Variants in BMP1 observed in about 807,000 individuals in gnomAD.
BMP1 encodes mammalian tolloid protein.
A neutral mutation model predicts 116.8 loss-of-function variants in BMP1; 63 were observed. That is an observed-to-expected ratio of 0.54 (90% CI 0.44 to 0.67). BMP1 has a LOEUF of 0.67. Among genes scored for constraint, BMP1 ranks in the 30% least tolerant of loss-of-function variants. The pLI, the probability that BMP1 is intolerant of heterozygous loss-of-function variation, is 0.00. For missense variants in BMP1, 1,183 were observed against 1,358.9 expected, an observed-to-expected ratio of 0.87 and a Z score of 2.04; for synonymous variants, 536 against 533.4, an observed-to-expected ratio of 1.00 and a Z score of -0.07.
chr8:22,209,646 A>G lies in BMP1; in HGVS notation c.2777A>G (p.Asp926Gly). The stretch of plus-strand genomic sequence containing the variant: ...GGCTATGACTACATGGAGCTCTTCG[A>G]CGGCTACGACAGCACAGCCCCCAGG... ...DCGYDYMELFDGYDSTAPRLG... is the reference protein window; with the variant it reads ...DCGYDYMELFGGYDSTAPRLG... Residue 926 changes from aspartate (D) to glycine (G), a missense_variant, in exon 19 of 20, where the codon GAC becomes GGC. Asp to Gly is a moderately conservative substitution (Grantham distance 94). Transcript: ENST00000306385. The G allele has an allele frequency of 6.2e-7, 1 of 1,614,032 alleles. No homozygotes were observed. The highest frequency in any genetic ancestry group is 8.5e-7 in the Non-Finnish European group (1 of 1,179,978).
intron 15 of BMP1, chr8:22,199,314 A>G (rs1183130169): frequency 3.7e-6 from 5 of 1,357,974 alleles, no homozygotes. Context: ...ACCCTAAGCC[A>G]AGAAGGAGAA....
intron 8 of BMP1, among the ~76,000 whole-genome samples, chr8:22,184,386 C>T (rs1245940682): frequency 6.6e-6 from 1 of 152,206 alleles, no homozygotes; most frequent in Admixed American, 6.5e-5. Context: ...GCTGCAATTC[C>T]CAGAGGACTC....
chr8:22,204,637 C>T (rs1265086873), intron 16 of BMP1, among the ~76,000 whole-genome samples: 2 of 152,168 alleles, frequency 1.3e-5, no homozygotes, highest in African/African-American at 2.4e-5. Context: ...GCACAAGAAT[C>T]GCTTGAACCT....
chr8:22,179,426 A>G lies in BMP1; in HGVS notation c.837-279A>G, dbSNP rs1356731136. Among the ~76,000 whole-genome samples the G allele has an allele frequency of 6.6e-6, 1 of 152,122 alleles. No individual in the cohort carries two copies. Among genetic ancestry groups the G allele is most frequent in the Non-Finnish European group, 1.5e-5 (1 of 68,002 alleles). On this transcript the variant is annotated intron_variant, in intron 6 of 19. Transcript: ENST00000306385. The surrounding 1 kb of genome is among the most constrained non-coding windows in gnomAD (Gnocchi z 4.6). ...GTTGTGGCCAGCCTGAGCTGGGAGC[A>G]CCAGTGGGTCCAAGGGCACCCTGGA...
chr8:22,166,877 C>T (rs920163310), intron 1 of BMP1, among the ~76,000 whole-genome samples: 7 of 152,256 alleles, frequency 4.6e-5, no homozygotes, highest in African/African-American at 1.2e-4. Flanking sequence ...GAGTGGACTG[C>T]GCATGGACTT....
chr8:22,179,558 G>C lies in BMP1; in HGVS notation c.837-147G>C. 7.2e-7 allele frequency: 1 copy of C among 1,386,390 alleles called. No homozygotes were observed. The highest frequency in any genetic ancestry group is 9.7e-7 in the Non-Finnish European group (1 of 1,028,976). The allele number at this position is 1,386,390 out of a possible 1,614,324, so 85.9% of individuals were successfully genotyped here. A position where few individuals can be genotyped will look rare whatever the true frequency, so the allele number is the denominator to read the frequency against. Reference sequence around the variant, plus strand: ...GGTCAGTGGGTAGCATAATGACAGGGTGAGACGACTCCACCCGGCCCTGAC... The same window carrying C: ...GGTCAGTGGGTAGCATAATGACAGGCTGAGACGACTCCACCCGGCCCTGAC... On this transcript the variant is annotated intron_variant, in intron 6 of 19. Transcript: ENST00000306385. This position sits in a 1 kb window ranked among gnomAD's most constrained non-coding sequence, Gnocchi z 4.6.
At chr8:22,207,602 T>C (rs1360292174) in intron 18 of BMP1, 86 bp downstream of exon 18, 23 of 1,471,286 alleles carry the variant, frequency 1.6e-5, no homozygotes, top group Non-Finnish European at 1.8e-5. Flanking sequence ...GGTATGAAGG[T>C]ACAGAGGGAC....
intron 16 of BMP1, among the ~76,000 whole-genome samples, chr8:22,206,633 T>C (rs1436709109): frequency 1.3e-5 from 2 of 152,112 alleles, no homozygotes; most frequent in African/African-American, 2.4e-5. Context: ...AGTGCTGCCA[T>C]GTGAGGCCTC....
chr8:22,175,109 T>C (rs1380147043), intron 2 of BMP1, among the ~76,000 whole-genome samples: 2 of 152,184 alleles, frequency 1.3e-5, no homozygotes, highest in Admixed American at 1.3e-4. Context: ...CATGTGACCT[T>C]AGTGGGGACT....
rs557203460 is a variant in BMP1, at chr8:22,179,950, G to T, written c.961+121G>T. 4 of 1,169,576 alleles carry T rather than the reference G, an allele frequency of 3.4e-6. No individual in the cohort carries two copies. The South Asian group carries it at 4.7e-5, about 14-fold the overall frequency. The allele number at this position is 1,169,576 out of a possible 1,614,324, so 72.4% of individuals were successfully genotyped here. A position where few individuals can be genotyped will look rare whatever the true frequency, so the allele number is the denominator to read the frequency against. On this transcript the variant is annotated intron_variant, in intron 7 of 19. Coordinates refer to ENST00000306385, the MANE Select transcript of BMP1 (RefSeq NM_006129.5). This position sits in a 1 kb window ranked among gnomAD's most constrained non-coding sequence, Gnocchi z 4.6. The stretch of plus-strand genomic sequence containing the variant: ...AAGTCTTAGAGAATGGTGTGGCGGG[G>T]GAGGGGACCCCATAGGAGGGGCAGT...
chr8:22,186,234 A>C (rs1002577994), intron 8 of BMP1, among the ~76,000 whole-genome samples: 4 of 152,158 alleles, frequency 2.6e-5, no homozygotes, highest in Non-Finnish European at 5.9e-5. Context: ...TCCTACCCTA[A>C]GTTCCTGCTT....
intron 13 of BMP1, chr8:22,196,283 A>G (rs1391738313): frequency 3.7e-6 from 2 of 543,100 alleles, no homozygotes; most frequent in Middle Eastern, 6.4e-4. Flanking sequence ...CTCCGAGGCT[A>G]ATGGCTCCAG....
At chr8:22,173,773 A>G in intron 2 of BMP1, 58 bp downstream of exon 2, 1 of 1,418,058 alleles carries the variant, frequency 7.1e-7, no homozygotes, top group South Asian at 1.3e-5. Flanking sequence ...GGCTTAGGGA[A>G]ACAAGGAATC....
At chr8:22,200,205 A>G (rs970683178) in intron 15 of BMP1, among the ~76,000 whole-genome samples, 4 of 152,196 alleles carry the variant, frequency 2.6e-5, no homozygotes, top group Admixed American at 6.5e-5. Context: ...GACCAAGTGC[A>G]CTTCTGTGCA....
At chr8:22,177,367 G>C (rs2131850485) in intron 5 of BMP1, among the ~76,000 whole-genome samples, 1 of 152,356 alleles carries the variant, frequency 6.6e-6, no homozygotes, top group East Asian at 1.9e-4. Flanking sequence ...GGCTGGGCCA[G>C]GTCCTGGTCC....
intron 8 of BMP1, among the ~76,000 whole-genome samples, chr8:22,189,710 T>C (rs73225849): frequency 0.084 from 12,785 of 151,752 alleles, 642 homozygotes; most frequent in African/African-American, 0.12. Flanking sequence ...CAAGCGATCC[T>C]CTTGCCTCAG....
intron 19 of BMP1, among the ~76,000 whole-genome samples, chr8:22,210,079 G>C (rs2131905620): frequency 6.6e-6 from 1 of 152,392 alleles, no homozygotes; most frequent in East Asian, 1.9e-4. Flanking sequence ...CAGAGCCGGG[G>C]ACAGGGCGCC....
chr8:22,179,568 T>C lies in BMP1; in HGVS notation c.837-137T>C. 1 of 1,475,280 alleles carries C rather than the reference T, an allele frequency of 6.8e-7. No individual in the cohort carries two copies. 91.4% of individuals were successfully genotyped at this position (1,475,280 alleles called of 1,614,324 possible). On this transcript the variant is annotated intron_variant, in intron 6 of 19. Transcript: ENST00000306385. This position sits in a 1 kb window ranked among gnomAD's most constrained non-coding sequence, Gnocchi z 4.6. ...TAGCATAATGACAGGGTGAGACGAC[T>C]CCACCCGGCCCTGACCCTGCTGAGG...
intron 16 of BMP1, among the ~76,000 whole-genome samples, chr8:22,204,635 A>G (rs902050582): frequency 3.3e-5 from 5 of 152,258 alleles, no homozygotes; most frequent in African/African-American, 1.2e-4. Context: ...AGGCACAAGA[A>G]TCGCTTGAAC....
Sources: allele counts gnomAD v4.1 joint callset (sites outside exome capture counted in the v4.1 genomes callset), GRCh38; gene constraint gnomAD v4.1.1; non-coding constraint Gnocchi (gnomAD v3.1); transcripts MANE v1.5; gene names NCBI Gene and HGNC (gene_info 2026-07-23, HGNC 2026-07-21).